Variants in TMEM50B observed in about 807,000 individuals in gnomAD.
TMEM50B encodes the protein transmembrane protein 50B.
Under a neutral mutation model 23.4 loss-of-function variants are expected in TMEM50B, and 14 were observed. That is an observed-to-expected ratio of 0.60 (90% CI 0.39 to 0.93). The LOEUF is 0.93. Ranked by LOEUF, TMEM50B falls within the 40% of genes least tolerant of loss-of-function variation. The pLI is 0.00. For missense variants in TMEM50B, 159 were observed against 193.0 expected (o/e 0.82, Z 1.04); for synonymous variants, 64 against 62.3 (o/e 1.03, Z -0.13).
At chr21:33,468,054 A>T (rs1454508892) in intron 2 of TMEM50B, among the ~76,000 whole-genome samples, 2 of 136,348 alleles carry the variant, frequency 1.5e-5, no homozygotes, top group African/African-American at 5.2e-5. Flanking sequence ...ACATAGCAAG[A>T]CCTCGTCTCT....
chr21:33,461,475 T>C (rs931720917), intron 4 of TMEM50B, among the ~76,000 whole-genome samples: 1 of 152,162 alleles, frequency 6.6e-6, no homozygotes, highest in Non-Finnish European at 1.5e-5. Flanking sequence ...TATTCAATCA[T>C]AGCTTTTATC....
chr21:33,463,567 C>T (rs2084236365), intron 4 of TMEM50B, among the ~76,000 whole-genome samples: 2 of 152,026 alleles, frequency 1.3e-5, no homozygotes, highest in Non-Finnish European at 2.9e-5. Context: ...AGTTACACAA[C>T]TGTAACTGTA....
In TMEM50B at chr21:33,432,888, C is replaced by CTT. The variant is rs201322939; in HGVS notation, c.*2121-87_*2121-86insAA. On this transcript the variant is annotated intron_variant and NMD_transcript_variant, in intron 8 of 8. Coordinates refer to the TMEM50B transcript ENST00000420455. ...ATAGAAGAGGTACGTGTGCACACATCTCTTTTTTTTTTTTTGAGACAGGGT... is the reference window on the plus strand; with the variant it reads ...ATAGAAGAGGTACGTGTGCACACATCTTTCTTTTTTTTTTTTTGAGACAGGGT... 516 of 1,338,122 alleles carry CTT rather than the reference C, an allele frequency of 3.9e-4. 1 individual carries two copies. Among genetic ancestry groups the CTT allele is most frequent in the Admixed American group, 7.2e-4 (34 of 46,920 alleles). 82.9% of individuals were successfully genotyped at this position (1,338,122 alleles called of 1,614,324 possible).
At chr21:33,453,835 G>T (rs2084144282) in intron 6 of TMEM50B, among the ~76,000 whole-genome samples, 1 of 152,112 alleles carries the variant, frequency 6.6e-6, no homozygotes, top group Admixed American at 6.5e-5. Context: ...TGGGCATGGT[G>T]GCTCACACCT....
At chr21:33,439,536 C>A (rs953329593) in intron 7 of TMEM50B, among the ~76,000 whole-genome samples, 38 of 151,570 alleles carry the variant, frequency 2.5e-4, no homozygotes, top group African/African-American at 8.7e-4. Context: ...TGCGCCACCA[C>A]ACCCAGCTAA....
chr21:33,463,451 A>G (rs2123440175), intron 4 of TMEM50B, among the ~76,000 whole-genome samples: 1 of 152,346 alleles, frequency 6.6e-6, no homozygotes, highest in East Asian at 1.9e-4. Context: ...CATAGAAAGT[A>G]GATCAGTAGT....
chr21:33,454,723 TA>T (rs2084153925), intron 6 of TMEM50B, among the ~76,000 whole-genome samples: 1 of 152,182 alleles, frequency 6.6e-6, no homozygotes, highest in Non-Finnish European at 1.5e-5. Context: ...TAGGGTTTTT[TA>T]ATAAGACACA....
rs924192950 is a variant in TMEM50B at position 33,455,792 on chromosome 21, C to T, written c.374-8G>A. The T allele has an allele frequency of 1.2e-6, 2 of 1,611,860 alleles. No individual in the cohort carries two copies. Among genetic ancestry groups the T allele is most frequent in the Non-Finnish European group, 1.7e-6 (2 of 1,178,156 alleles). On this transcript the variant is annotated splice_region_variant and splice_polypyrimidine_tract_variant and intron_variant, in intron 5 of 6. Coordinates refer to ENST00000542230, the MANE Select transcript of TMEM50B (RefSeq NM_006134.7). ...CCGGATAAACATCAGTATCTACATA[C>T]ACAAAGTAAAACAGATTAGACGGTT...
chr21:33,463,252 A>ACT (rs2084233682), intron 4 of TMEM50B, among the ~76,000 whole-genome samples: 1 of 152,250 alleles, frequency 6.6e-6, no homozygotes, highest in Non-Finnish European at 1.5e-5. Context: ...AGATCGCACC[A>ACT]CTGTACTCCA....
At chr21:33,452,981 G>A (rs2084135575) in intron 6 of TMEM50B, among the ~76,000 whole-genome samples, 2 of 152,098 alleles carry the variant, frequency 1.3e-5, no homozygotes. Context: ...TCTAGAGAGA[G>A]AAAATACAAT....
chr21:33,439,614 A>C (rs956273002), intron 7 of TMEM50B, among the ~76,000 whole-genome samples: 1 of 151,894 alleles, frequency 6.6e-6, no homozygotes, highest in African/African-American at 2.4e-5. Flanking sequence ...TCCTGACCTC[A>C]GGTGATCCGC....
chr21:33,457,409 G>A (rs948865872), intron 5 of TMEM50B, among the ~76,000 whole-genome samples: 2 of 151,866 alleles, frequency 1.3e-5, no homozygotes, highest in Non-Finnish European at 2.9e-5. Flanking sequence ...CAACACTTTG[G>A]GAGGCCAAGG....
rs1038230105 is a variant in TMEM50B at position 33,462,962 on chromosome 21, G to A, written c.280+2380C>T. ...CGCAAATTCTCCATGGATTCCAGTA[G>A]AAGTGAGGTTACAAAATCTACATCA... On this transcript the variant is annotated intron_variant, in intron 4 of 6. Transcript: ENST00000542230. 2.6e-5 allele frequency among the ~76,000 whole-genome samples: 4 copies of A among 152,206 alleles called. No individual in the cohort carries two copies. The East Asian group carries it at 7.7e-4, about 29-fold the overall frequency.
chr21:33,468,614 A>G (rs1601130332), intron 2 of TMEM50B, 173 bp downstream of exon 2: 1 of 546,226 alleles, frequency 1.8e-6, no homozygotes, highest in Non-Finnish European at 3.2e-6. Context: ...AAATGAATCC[A>G]GGGCCTACCA....
chr21:33,448,743 A>T (rs1394729580), downstream of TMEM50B: 1 of 152,112 alleles, frequency 6.6e-6, no homozygotes, highest in Non-Finnish European at 1.5e-5. Flanking sequence ...GGCCTCCCAA[A>T]ACATTTTTTT....
intron 5 of TMEM50B, among the ~76,000 whole-genome samples, chr21:33,456,324 A>C (rs1174365065): frequency 6.6e-6 from 1 of 152,126 alleles, no homozygotes; most frequent in Non-Finnish European, 1.5e-5. Flanking sequence ...TCAGCGTCCC[A>C]AGTGGATGGG....
intron 6 of TMEM50B, among the ~76,000 whole-genome samples, chr21:33,451,371 C>G (rs912267512): frequency 6.6e-6 from 1 of 152,166 alleles, no homozygotes; most frequent in Non-Finnish European, 1.5e-5. Context: ...TGAGTCCAGA[C>G]AAACTTGCTC....
At chr21:33,439,954 G>A (rs2083993755) in intron 7 of TMEM50B, among the ~76,000 whole-genome samples, 1 of 151,998 alleles carries the variant, frequency 6.6e-6, no homozygotes, top group Non-Finnish European at 1.5e-5. Context: ...GCTGAGGCAG[G>A]AGAATCACTT....
chr21:33,456,211 T>C (rs1479098570), intron 5 of TMEM50B: 1 of 432,616 alleles, frequency 2.3e-6, no homozygotes, highest in Non-Finnish European at 4.7e-6. Flanking sequence ...TTTAAAGAAA[T>C]GGGGCCTCAC....
Sources: allele counts gnomAD v4.1 joint callset (sites outside exome capture counted in the v4.1 genomes callset), GRCh38; gene constraint gnomAD v4.1.1; transcripts MANE v1.5; gene names NCBI Gene and HGNC (gene_info 2026-07-23, HGNC 2026-07-21).